The following FRMPD4 variants were observed in gnomAD, a reference collection of about 807,000 sequenced individuals.
FRMPD4 encodes the protein FERM and PDZ domain containing 4, also known as FERM and PDZ domain-containing protein 4.
A neutral mutation model predicts 94.1 loss-of-function variants in FRMPD4; 22 were observed. The observed-to-expected ratio is 0.23, with a 90% CI of 0.17 to 0.33. The LOEUF (loss-of-function observed/expected upper bound fraction) is 0.33, where lower values mean the gene tolerates loss of function less well. Ranked by LOEUF, FRMPD4 falls within the 10% of genes least tolerant of loss-of-function variation. The pLI is 1.00. For missense variants in FRMPD4, 1,111 were observed against 1,339.9 expected (o/e 0.83, Z 2.67); for synonymous variants, 631 against 548.6 (o/e 1.15, Z -2.10).
chrX:11,851,216 T>C (rs970130977), intron 1 of FRMPD4, among the ~76,000 whole-genome samples: 1 of 111,857 alleles, frequency 8.9e-6, no homozygotes, highest in Non-Finnish European at 1.9e-5. Flanking sequence ...TGTATGCTCA[T>C]GGTCAAGTTT....
chrX:12,477,133 T>A (rs1019436460), intron 1 of FRMPD4, among the ~76,000 whole-genome samples: 65 of 111,658 alleles, frequency 5.8e-4, no homozygotes, highest in African/African-American at 2.0e-3. Flanking sequence ...CCATAAAAAA[T>A]GATGAGTTCA....
intron 1 of FRMPD4, among the ~76,000 whole-genome samples, chrX:12,294,804 G>C (rs907470927): frequency 9.0e-6 from 1 of 111,125 alleles, no homozygotes; most frequent in Non-Finnish European, 1.9e-5. Flanking sequence ...AATACAGAAG[G>C]CTGGGCGATA....
intron 1 of FRMPD4, among the ~76,000 whole-genome samples, chrX:12,241,941 A>G (rs866219213): frequency 1.4e-5 from 1 of 72,245 alleles, no homozygotes; most frequent in African/African-American, 4.3e-5. Context: ...GAAGGAGGGG[A>G]AGGGGAAGGG....
chrX:11,947,313 A>G (rs1284030049), intron 3 of FRMPD4, among the ~76,000 whole-genome samples: 2 of 112,344 alleles, frequency 1.8e-5, no homozygotes, highest in African/African-American at 6.5e-5. Context: ...TGTTCCCCTA[A>G]GAAAAATTGA....
At chrX:12,037,032 A>G (rs928030075) in intron 3 of FRMPD4, among the ~76,000 whole-genome samples, 1 of 111,969 alleles carries the variant, frequency 8.9e-6, no homozygotes, top group Non-Finnish European at 1.9e-5. Flanking sequence ...TGTTAACATA[A>G]ATATTTATTG....
intron 1 of FRMPD4, among the ~76,000 whole-genome samples, chrX:12,211,496 A>G (rs1180701282): frequency 1.8e-5 from 2 of 112,037 alleles, no homozygotes; most frequent in African/African-American, 6.5e-5. Context: ...CAAAAATCCT[A>G]GTTTTTCATG....
At chrX:12,690,992 T>C (rs1020569339) in intron 8 of FRMPD4, among the ~76,000 whole-genome samples, 6 of 111,965 alleles carry the variant, frequency 5.4e-5, no homozygotes, top group African/African-American at 2.0e-4. Context: ...AACAGAACTT[T>C]ATGGAAAGGG....
chrX:12,352,226 A>G (rs1055153468), intron 1 of FRMPD4, among the ~76,000 whole-genome samples: 2 of 112,414 alleles, frequency 1.8e-5, no homozygotes, highest in Non-Finnish European at 3.8e-5. Context: ...AGGCTCTATT[A>G]TAAACATCTA....
At chrX:12,049,532 A>G (rs1166855552) in intron 3 of FRMPD4, among the ~76,000 whole-genome samples, 1 of 111,707 alleles carries the variant, frequency 9.0e-6, no homozygotes, top group Non-Finnish European at 1.9e-5. Context: ...TGTTGAAGTC[A>G]ATGATGGACT....
At chrX:12,356,539 G>A (rs12007501) in intron 1 of FRMPD4, among the ~76,000 whole-genome samples, 3,571 of 111,039 alleles carry the variant, frequency 0.032, 146 homozygotes, top group African/African-American at 0.1. Context: ...TGGGATTAGA[G>A]CCCTCATTAA....
intron 1 of FRMPD4, among the ~76,000 whole-genome samples, chrX:11,853,769 A>G (rs1347125663): frequency 1.8e-5 from 2 of 111,998 alleles, no homozygotes; most frequent in African/African-American, 6.5e-5. Flanking sequence ...CCAGGACCAG[A>G]CAAATTCACA....
intron 1 of FRMPD4, among the ~76,000 whole-genome samples, chrX:12,387,704 G>T (rs758950131): frequency 1.1e-4 from 11 of 103,464 alleles, no homozygotes; most frequent in Non-Finnish European, 2.2e-4. Context: ...TTTTTTGTTT[G>T]TTTTTTTTTT....
intron 1 of FRMPD4, among the ~76,000 whole-genome samples, chrX:12,223,175 T>G (rs1386277876): frequency 8.9e-6 from 1 of 111,762 alleles, no homozygotes; most frequent in Non-Finnish European, 1.9e-5. Flanking sequence ...GCAGCACTAT[T>G]CACAATAGCA....
At chrX:11,907,802 CTGT>C (rs1455148363) in intron 3 of FRMPD4, among the ~76,000 whole-genome samples, 1 of 111,588 alleles carries the variant, frequency 9.0e-6, no homozygotes, top group Non-Finnish European at 1.9e-5. Flanking sequence ...CCCCTTAGTG[CTGT>C]TGTTTTTGCA....
chrX:12,028,371 T>C (rs940097965), intron 3 of FRMPD4, among the ~76,000 whole-genome samples: 2 of 111,840 alleles, frequency 1.8e-5, no homozygotes, highest in African/African-American at 6.5e-5. Flanking sequence ...GAGGAAGTTA[T>C]AGAGATTTCT....
chrX:12,386,846 C>A (rs62588622), intron 1 of FRMPD4, among the ~76,000 whole-genome samples: 23,078 of 110,120 alleles, frequency 0.21, 1,916 homozygotes, highest in Non-Finnish European at 0.25. Context: ...ATCTAGCTAG[C>A]CTTATGGGGC....
chrX:12,663,238 T>C (rs1356341426), intron 4 of FRMPD4, among the ~76,000 whole-genome samples: 1 of 112,382 alleles, frequency 8.9e-6, no homozygotes, highest in African/African-American at 3.2e-5. Context: ...TCTGTTGCCA[T>C]TGCTTTTTGT....
At chrX:12,076,635 T>C (rs1184416388) in intron 3 of FRMPD4, among the ~76,000 whole-genome samples, 2 of 110,384 alleles carry the variant, frequency 1.8e-5, no homozygotes, top group African/African-American at 3.3e-5. Context: ...TGGTAGCCCA[T>C]AGAGATCAAG....
chrX:12,647,702 T>C (rs1477762104), intron 4 of FRMPD4, among the ~76,000 whole-genome samples: 1 of 112,198 alleles, frequency 8.9e-6, no homozygotes, highest in Admixed American at 9.4e-5. Flanking sequence ...TGCCCTTCTC[T>C]TGTGACCACG....
Sources: gnomAD v4.1 joint callset for allele counts (sites outside exome capture counted in the v4.1 genomes callset) on GRCh38, gnomAD v4.1.1 for gene constraint, MANE v1.5 for transcripts, NCBI Gene and HGNC (gene_info 2026-07-23, HGNC 2026-07-21) for gene names.